CR1L: variants seen among roughly 807,000 people sequenced by gnomAD.
The protein encoded by CR1L is complement C3b/C4b receptor 1 like.
Under a neutral mutation model 62.3 loss-of-function variants are expected in CR1L, and 59 were observed. That is an observed-to-expected ratio of 0.95 (90% confidence interval 0.77 to 1.18). The LOEUF (loss-of-function observed/expected upper bound fraction) is 1.18. CR1L is among the 50% of genes most tolerant of loss of function. CR1L has a pLI of 0.00. For missense variants in CR1L, 700 were observed against 702.8 expected (o/e 1.00, Z 0.04); for synonymous variants, 279 against 248.7 (o/e 1.12, Z -1.15).
chr1:207,708,591 G>A (rs1318780193), intron 10 of CR1L, among the ~76,000 whole-genome samples: 6 of 152,190 alleles, frequency 3.9e-5, no homozygotes, highest in Admixed American at 3.9e-4. Flanking sequence ...GTCAGTGAAA[G>A]AAACCGCATA....
chr1:207,697,841 T>G lies in CR1L; in HGVS notation c.1110T>G (p.Leu370=), dbSNP rs1664130235. The change falls in exon 7 of 12, where the codon CTT becomes CTG. Residue 370 remains leucine, a synonymous_variant. Coordinates refer to ENST00000508064, the MANE Select transcript of CR1L (RefSeq NM_175710.2). ...TGCTATTTCCACTTAATCTCCAGCT[T>G]GGAGCAAAAGTGGATTTTGTTTGTG... The part of the protein sequence containing the change: ...GHVLFPLNLQ[L]GAKVDFVCDE... 6.2e-7 allele frequency: 1 copy of G among 1,613,924 alleles called. No homozygotes were observed.
chr1:207,679,363 A>G (rs1428096340), intron 3 of CR1L, among the ~76,000 whole-genome samples: 1 of 151,744 alleles, frequency 6.6e-6, no homozygotes, highest in African/African-American at 2.4e-5. Context: ...CACACTAACA[A>G]CTTCATCTTA....
At chr1:207,720,727 A>T (rs1376541997) in intron 11 of CR1L, among the ~76,000 whole-genome samples, 1 of 152,242 alleles carries the variant, frequency 6.6e-6, no homozygotes, top group Non-Finnish European at 1.5e-5. Flanking sequence ...TGCATGCTAG[A>T]CAAATAAGTT....
At chr1:207,645,669 G>T (rs577868736) in intron 1 of CR1L, among the ~76,000 whole-genome samples, 2 of 152,326 alleles carry the variant, frequency 1.3e-5, no homozygotes, top group Admixed American at 6.5e-5. Flanking sequence ...GCTTGCTCTG[G>T]AGTGCACAGG....
chr1:207,702,982 T>G (rs1437959334), intron 9 of CR1L, among the ~76,000 whole-genome samples: 2 of 151,836 alleles, frequency 1.3e-5, no homozygotes, highest in East Asian at 3.9e-4. Flanking sequence ...TACTCGGGAG[T>G]CTGAGGCATG....
chr1:207,661,605 C>A (rs918291452), intron 1 of CR1L, among the ~76,000 whole-genome samples: 1 of 152,120 alleles, frequency 6.6e-6, no homozygotes, highest in African/African-American at 2.4e-5. Context: ...ATCCTATTTG[C>A]CAGTCTGTGT....
chr1:207,699,537 G>A (rs912409733), intron 8 of CR1L, among the ~76,000 whole-genome samples: 1 of 152,180 alleles, frequency 6.6e-6, no homozygotes, highest in Non-Finnish European at 1.5e-5. Context: ...GGAGAGATTA[G>A]ATAATGTGAA....
At chr1:207,665,077 G>A (rs532357968) in intron 1 of CR1L, among the ~76,000 whole-genome samples, 190 of 151,912 alleles carry the variant, frequency 1.3e-3, no homozygotes, top group African/African-American at 4.0e-3. Context: ...TTTTTGAGAC[G>A]GAGTCTTGCT....
chr1:207,701,472 G>A (rs748990589), intron 8 of CR1L, 47 bp from the exon 9 acceptor site: 2 of 1,607,472 alleles, frequency 1.2e-6, no homozygotes, highest in Non-Finnish European at 1.7e-6. Flanking sequence ...GTACTGAAGA[G>A]AGTTCAGATT....
At chr1:207,679,455 A>C (rs1160487216) in intron 3 of CR1L, among the ~76,000 whole-genome samples, 1 of 152,148 alleles carries the variant, frequency 6.6e-6, no homozygotes, top group African/African-American at 2.4e-5. Flanking sequence ...CATATATTTC[A>C]GGGGTGAGGG....
chr1:207,671,894 C>T (rs1663620265), intron 1 of CR1L, among the ~76,000 whole-genome samples: 1 of 150,724 alleles, frequency 6.6e-6, no homozygotes, highest in Non-Finnish European at 1.5e-5. Context: ...ACACTCCAGC[C>T]TGGGCGAAAG....
intron 9 of CR1L, 160 bp downstream of exon 9, chr1:207,701,778 T>A: frequency 9.9e-7 from 1 of 1,013,718 alleles, no homozygotes. Flanking sequence ...TAGGAGAAGA[T>A]TAGGGGAAAA....
chr1:207,666,104 C>G (rs1259077911), intron 1 of CR1L, among the ~76,000 whole-genome samples: 3 of 152,190 alleles, frequency 2.0e-5, no homozygotes, highest in Non-Finnish European at 4.4e-5. Flanking sequence ...CTACTCAACC[C>G]TAATTCTACT....
At chr1:207,661,860 G>T (rs1663430152) in intron 1 of CR1L, among the ~76,000 whole-genome samples, 1 of 152,132 alleles carries the variant, frequency 6.6e-6, no homozygotes, top group South Asian at 2.1e-4. Flanking sequence ...AAATCTCTCA[G>T]CATTTGCTTG....
In CR1L at chr1:207,704,053, T is replaced by C. The variant is rs557148940; in HGVS notation, c.1328+2435T>C. Among the ~76,000 whole-genome samples, 9 of 152,358 alleles carry C rather than the reference T, an allele frequency of 5.9e-5. No homozygotes were observed. The East Asian group carries it at 1.7e-3, about 29-fold the overall frequency. ...CTCTGATGGATCTGAACAAAGTAAG[T>C]TGAAAACTGCAGGAAAGAATTAATC... is the stretch of plus-strand genomic sequence containing the variant. On this transcript the variant is annotated intron_variant, in intron 9 of 11. Coordinates refer to ENST00000508064, the MANE Select transcript of CR1L (RefSeq NM_175710.2).
intron 1 of CR1L, among the ~76,000 whole-genome samples, chr1:207,665,008 G>A (rs1663492699): frequency 6.6e-6 from 1 of 152,180 alleles, no homozygotes; most frequent in African/African-American, 2.4e-5. Flanking sequence ...TTTATTACTT[G>A]TTATCTTCTA....
intron 8 of CR1L, 60 bp from the exon 9 acceptor site, chr1:207,701,459 T>C: frequency 3.1e-6 from 5 of 1,599,020 alleles, no homozygotes; most frequent in Non-Finnish European, 3.4e-6. Context: ...GTTGAGACCT[T>C]ACGTACTGAA....
At chr1:207,677,875 G>A (rs550045834) in intron 2 of CR1L, among the ~76,000 whole-genome samples, 4 of 152,156 alleles carry the variant, frequency 2.6e-5, no homozygotes, top group Non-Finnish European at 5.9e-5. Flanking sequence ...AAAGAGAAGT[G>A]GATTAAATAA....
intron 3 of CR1L, among the ~76,000 whole-genome samples, 165 bp downstream of exon 3, chr1:207,678,462 A>C (rs1663737926): frequency 6.6e-6 from 1 of 152,224 alleles, no homozygotes; most frequent in Non-Finnish European, 1.5e-5. Context: ...CAAAGGTATG[A>C]CAAGATCAGG....
Sources: gnomAD v4.1 joint callset for allele counts (sites outside exome capture counted in the v4.1 genomes callset) on GRCh38, gnomAD v4.1.1 for gene constraint, MANE v1.5 for transcripts, NCBI Gene and HGNC (gene_info 2026-07-23, HGNC 2026-07-21) for gene names.